The following DCDC2B variants were observed in gnomAD, a reference collection of about 807,000 sequenced individuals.
DCDC2B encodes the protein doublecortin domain-containing protein 2B.
In DCDC2B, 41 loss-of-function variants were observed where a neutral mutation model predicts 38.9. That is an observed-to-expected ratio of 1.05 (90% CI 0.82 to 1.37). The LOEUF (loss-of-function observed/expected upper bound fraction) is 1.37. Ranked by LOEUF, DCDC2B falls within the 40% of genes most tolerant of loss-of-function variation. DCDC2B has a pLI of 0.00. For synonymous variants in DCDC2B, 181 were observed against 171.9 expected (o/e 1.05, Z -0.41); for missense variants, 453 against 427.2 (o/e 1.06, Z -0.53).
At position 32,212,660 on chromosome 1, in the gene DCDC2B, G is replaced by GT. The variant is rs374619199; in HGVS notation, c.674+25dup. The GT allele has an allele frequency of 1.0e-3, 1,627 of 1,613,346 alleles. 17 individuals carry two copies. In the African/African-American group the frequency reaches 0.019, roughly 19 times the overall value. ...TGGTATGTATGTGGGAGGTGGAGCG[G>GT]TAACAGGCCGGGCAGAGGAAGCCAC... On this transcript the variant is annotated intron_variant, in intron 5 of 8. Coordinates refer to ENST00000409358, the MANE Select transcript of DCDC2B (RefSeq NM_001099434.2).
At chr1:32,213,336 ATTT>A (rs923909070) in intron 6 of DCDC2B, among the ~76,000 whole-genome samples, 1 of 138,422 alleles carries the variant, frequency 7.2e-6, no homozygotes. Context: ...CCTCTTAATA[ATTT>A]TTTTTTTTTT....
At chr1:32,214,623 A>T in intron 6 of DCDC2B, 174 bp from the exon 7 acceptor site, 1 of 857,026 alleles carries the variant, frequency 1.2e-6, no homozygotes, top group Non-Finnish European at 1.8e-6. Context: ...TCCCTGGATA[A>T]GTCAGGCTGG....
In DCDC2B at chr1:32,214,243, C is replaced by T. The variant is rs904768559; in HGVS notation, c.715-554C>T. ...AGGAGAATCACTTGAACCTGGGAGG[C>T]GGAGGTTGTGGTGAGCTGAGATCAC... is the stretch of plus-strand genomic sequence containing the variant. On this transcript the variant is annotated intron_variant, in intron 6 of 8. Coordinates refer to ENST00000409358, the MANE Select transcript of DCDC2B (RefSeq NM_001099434.2). Among the ~76,000 whole-genome samples the T allele has an allele frequency of 7.5e-5, 10 of 132,534 alleles. No individual in the cohort carries two copies. In the East Asian group the frequency reaches 1.2e-3, roughly 16 times the overall value. 86.9% of individuals were successfully genotyped at this position (132,534 alleles called of 152,430 possible). A position where few individuals can be genotyped will look rare whatever the true frequency, so the allele number is the denominator to read the frequency against.
intron 4 of DCDC2B, 25 bp from the exon 5 acceptor site, chr1:32,212,465 T>C (rs764679307): frequency 1.2e-6 from 2 of 1,612,428 alleles, no homozygotes; most frequent in Non-Finnish European, 1.7e-6. Flanking sequence ...TACCAGCCCT[T>C]ATCCTCCTCA....
rs895126941 is a variant in DCDC2B, at chr1:32,212,772, G to C, written c.693G>C (p.Lys231Asn). Residue 231 changes from lysine (K) to asparagine (N), a missense_variant, in exon 6 of 9, where the codon AAG becomes AAC. By Grantham distance (94) the Lys-to-Asn change is moderately conservative. Coordinates refer to ENST00000409358, the MANE Select transcript of DCDC2B (RefSeq NM_001099434.2). ...ATTGTAGGCAACCTCCAGGCTCGAA[G>C]TCTAGGCCCCACAGGCAGGGGGTAG... ...PRGCWQPPGS[K>N]SRPHRQGAQG... The C allele has an allele frequency of 6.2e-7, 1 of 1,613,832 alleles. No individual in the cohort carries two copies. The highest frequency in any genetic ancestry group is 1.3e-5 in the African/African-American group (1 of 74,930).
chr1:32,211,134 T>C, intron 1 of DCDC2B, 138 bp from the exon 2 acceptor site: 1 of 820,214 alleles, frequency 1.2e-6, no homozygotes, highest in African/African-American at 1.7e-5. Context: ...CAATATCTTG[T>C]TTCTGGACTG....
chr1:32,212,292 A>G (rs1437948618), intron 4 of DCDC2B, 91 bp downstream of exon 4: 1 of 1,571,498 alleles, frequency 6.4e-7, no homozygotes, highest in Non-Finnish European at 8.7e-7. Context: ...GGCAAAAGGA[A>G]AGCATGTTCC....
intron 4 of DCDC2B, 130 bp from the exon 5 acceptor site, chr1:32,212,360 G>C: frequency 6.6e-7 from 1 of 1,523,734 alleles, no homozygotes; most frequent in Non-Finnish European, 8.9e-7. Context: ...AGCCCTCAGA[G>C]GCAGGGTAGA....
intron 1 of DCDC2B, among the ~76,000 whole-genome samples, chr1:32,210,680 G>A (rs1315459952): frequency 6.6e-6 from 1 of 151,858 alleles, no homozygotes; most frequent in Non-Finnish European, 1.5e-5. Context: ...GATACAGCAG[G>A]ATGCATAATG....
chr1:32,214,942 C>A lies in DCDC2B; in HGVS notation c.850+10C>A. ...CTCTCATTCCCATCAGGTGAGGGGT[C>A]CCTGGGGCTCAGGCCCTTCTCAGCT... On this transcript the variant is annotated intron_variant, in intron 7 of 8. Coordinates refer to ENST00000409358, the MANE Select transcript of DCDC2B (RefSeq NM_001099434.2). 1 of 1,613,758 alleles carries A rather than the reference C, an allele frequency of 6.2e-7. No homozygotes were observed. Among genetic ancestry groups the A allele is most frequent in the Non-Finnish European group, 8.5e-7 (1 of 1,179,776 alleles).
In DCDC2B at chr1:32,212,050, T is replaced by C; in HGVS notation, c.396-20T>C. 6.2e-7 allele frequency: 1 copy of C among 1,606,660 alleles called. No individual in the cohort carries two copies. The highest frequency in any genetic ancestry group is 8.5e-7 in the Non-Finnish European group (1 of 1,174,438). ...AGGGACTCCTGGGGACACTCCCCCT[T>C]ACCAGGCTTTTTGTCTCAGTGTGTT... On this transcript the variant is annotated intron_variant, in intron 3 of 8. Transcript: ENST00000409358.
rs373941257 is a variant in DCDC2B at position 32,212,803 on chromosome 1, G to A, written c.714+10G>A. 2.6e-5 allele frequency: 42 copies of A among 1,613,228 alleles called. No homozygotes were observed. Among genetic ancestry groups the A allele is most frequent in the African/African-American group, 1.1e-4 (8 of 74,908 alleles). Reference sequence around the variant, plus strand: ...GCCCCACAGGCAGGGGGTAGGTGACGCAGGGGACAATGAGGGGTGGGAAGA... The same window carrying A: ...GCCCCACAGGCAGGGGGTAGGTGACACAGGGGACAATGAGGGGTGGGAAGA... On this transcript the variant is annotated intron_variant, in intron 6 of 8. Coordinates refer to ENST00000409358, the MANE Select transcript of DCDC2B (RefSeq NM_001099434.2).
chr1:32,209,200 T>G lies in DCDC2B; in HGVS notation c.107T>G (p.Met36Arg). Reference protein sequence around the residue: ...LVVTQRRFPTMEAFLCEVTSA... With the variant: ...LVVTQRRFPTREAFLCEVTSA... ...GTGACTCAACGCCGCTTCCCCACCATGGAGGCCTTCCTCTGCGAGGTGACA... is the reference window on the plus strand; with the variant it reads ...GTGACTCAACGCCGCTTCCCCACCAGGGAGGCCTTCCTCTGCGAGGTGACA... The change falls in exon 1 of 9, where the codon ATG (methionine) becomes AGG (arginine). Residue 36 changes from methionine to arginine, a missense_variant. Met to Arg is a moderately conservative substitution (Grantham distance 91). Coordinates refer to ENST00000409358, the MANE Select transcript of DCDC2B (RefSeq NM_001099434.2). 2 of 1,614,004 alleles carry G rather than the reference T, an allele frequency of 1.2e-6. No homozygotes were observed. The highest frequency in any genetic ancestry group is 1.7e-6 in the Non-Finnish European group (2 of 1,179,866).
intron 6 of DCDC2B, among the ~76,000 whole-genome samples, chr1:32,213,504 T>C (rs1643671411): frequency 8.3e-6 from 1 of 120,366 alleles, no homozygotes; most frequent in East Asian, 2.2e-4. Flanking sequence ...ACCCGGCTAA[T>C]TTTTTTTTTT....
chr1:32,212,386 G>C, intron 4 of DCDC2B, 104 bp from the exon 5 acceptor site: 1 of 1,548,568 alleles, frequency 6.5e-7, no homozygotes, highest in Admixed American at 1.8e-5. Flanking sequence ...GGTGCCTAGA[G>C]GCCAGAGGGC....
Position 32,215,978 on chromosome 1 carries a change from G to A in DCDC2B, c.*81G>A, listed in dbSNP as rs1251460885. Reference sequence around the variant, plus strand: ...TTAGCCTCCAGCAGCTTGTTCCTCAGGAGCCAGCACCTCCGCTGGGCTCAC... The same window carrying A: ...TTAGCCTCCAGCAGCTTGTTCCTCAAGAGCCAGCACCTCCGCTGGGCTCAC... On this transcript the variant is annotated 3_prime_UTR_variant, in exon 9 of 9. Transcript: ENST00000409358. 7 of 1,217,546 alleles carry A rather than the reference G, an allele frequency of 5.7e-6. No homozygotes were observed. Among genetic ancestry groups the A allele is most frequent in the Middle Eastern group, 2.5e-4 (1 of 3,928 alleles). The allele number at this position is 1,217,546 out of a possible 1,614,324, so 75.4% of individuals were successfully genotyped here. A position where few individuals can be genotyped will look rare whatever the true frequency, so the allele number is the denominator to read the frequency against.
In DCDC2B at chr1:32,215,513, A is replaced by C; in HGVS notation, c.924A>C (p.Glu308Asp). 1 of 1,613,782 alleles carries C rather than the reference A, an allele frequency of 6.2e-7. No homozygotes were observed. Among genetic ancestry groups the C allele is most frequent in the Admixed American group, 1.7e-5 (1 of 59,978 alleles). Residue 308 changes from glutamate (E) to aspartate (D), a missense_variant, in exon 8 of 9, where the codon GAA becomes GAC. Physicochemically the swap from Glu to Asp is conservative, Grantham distance 45. Transcript: ENST00000409358. Reference protein sequence around the residue: ...TAGALEVADDEDTQTEEPLDQ... With the variant: ...TAGALEVADDDDTQTEEPLDQ... ...GGGCCCTGGAAGTAGCAGATGATGA[A>C]GACACTCAGACAGAGGAGCCCTTGG...
chr1:32,211,412 C>A, intron 2 of DCDC2B, 89 bp downstream of exon 2: 1 of 1,400,160 alleles, frequency 7.1e-7, no homozygotes, highest in Non-Finnish European at 1.0e-6. Flanking sequence ...GCCAGGGAAG[C>A]AGCAGGATCT....
chr1:32,211,080 A>T (rs966967674), intron 1 of DCDC2B, among the ~76,000 whole-genome samples, 192 bp from the exon 2 acceptor site: 4 of 152,194 alleles, frequency 2.6e-5, no homozygotes, highest in African/African-American at 9.7e-5. Flanking sequence ...ACTTACCCAG[A>T]CAGCACTTGA....
Sources: gnomAD v4.1 joint callset for allele counts (sites outside exome capture counted in the v4.1 genomes callset) on GRCh38, gnomAD v4.1.1 for gene constraint, MANE v1.5 for transcripts, NCBI Gene and HGNC (gene_info 2026-07-23, HGNC 2026-07-21) for gene names.